Variants in RNF41 observed in about 807,000 individuals in gnomAD.
RNF41 encodes ring finger protein 41.
A neutral mutation model predicts 33.0 loss-of-function variants in RNF41; 4 were observed. That is an observed-to-expected ratio of 0.12 (90% CI 0.06 to 0.28). RNF41 has a LOEUF of 0.28. Ranked by LOEUF, RNF41 falls within the 10% of genes least tolerant of loss-of-function variation. The pLI, the probability that RNF41 is intolerant of heterozygous loss-of-function variation, is 1.00. For missense variants in RNF41, 228 were observed against 432.6 expected (o/e 0.53, Z 4.19); for synonymous variants, 164 against 153.2 (o/e 1.07, Z -0.52).
rs963390796 is a variant in RNF41 at position 56,202,586 on chromosome 12, C to G, written c.*3861G>C. The stretch of plus-strand genomic sequence containing the variant: ...GGGTTGTAACCTGTAGTTTGCTGAC[C>G]TCTGACCTATAACAAGTAACACTTC... On this transcript the variant is annotated 3_prime_UTR_variant, in exon 7 of 7. Coordinates refer to ENST00000345093, the MANE Select transcript of RNF41 (RefSeq NM_005785.4). 2 of 152,154 alleles carry G rather than the reference C, an allele frequency of 1.3e-5. No individual in the cohort carries two copies. The highest frequency in any genetic ancestry group is 2.9e-5 in the Non-Finnish European group (2 of 68,030). 9.4% of individuals were successfully genotyped at this position (152,154 alleles called of 1,614,324 possible). A position where few individuals can be genotyped will look rare whatever the true frequency, so the allele number is the denominator to read the frequency against.
In RNF41 at chr12:56,205,576, G is replaced by C. The variant is rs956914456; in HGVS notation, c.*871C>G. ...GCCATTCTTAAAAAAAAGAGGGGGG[G>C]GGGCAGTAGGTGGAGTTTGTGAAAT... On this transcript the variant is annotated 3_prime_UTR_variant, in exon 7 of 7. Transcript: ENST00000345093. 2 of 150,714 alleles carry C rather than the reference G, an allele frequency of 1.3e-5. No individual in the cohort carries two copies. Among genetic ancestry groups the C allele is most frequent in the South Asian group, 2.1e-4 (1 of 4,712 alleles). The allele number at this position is 150,714 out of a possible 1,614,324, so 9.3% of individuals were successfully genotyped here.
intron 3 of RNF41, among the ~76,000 whole-genome samples, 182 bp downstream of exon 3, chr12:56,213,776 A>C (rs1316518915): frequency 1.3e-5 from 2 of 152,214 alleles, no homozygotes; most frequent in Non-Finnish European, 2.9e-5. Context: ...ATCCACCTCT[A>C]GATTGATTCT....
At chr12:56,221,374 G>C (rs1225798958) in intron 1 of RNF41, among the ~76,000 whole-genome samples, 2 of 152,114 alleles carry the variant, frequency 1.3e-5, no homozygotes, top group Non-Finnish European at 2.9e-5. Flanking sequence ...GAGGGCGGGG[G>C]TTTAGGTTCC....
chr12:56,212,906 G>T, intron 3 of RNF41: 2 of 892,646 alleles, frequency 2.2e-6, no homozygotes, highest in Non-Finnish European at 3.2e-6. Flanking sequence ...AGGATTAATT[G>T]GTATTTACAG....
At chr12:56,218,980 G>A (rs563580614) in intron 1 of RNF41, among the ~76,000 whole-genome samples, 2 of 150,752 alleles carry the variant, frequency 1.3e-5, no homozygotes, top group East Asian at 3.9e-4. Flanking sequence ...GGGATTATAG[G>A]CGTGAGCCAC....
At chr12:56,207,826 G>C in intron 5 of RNF41, 77 bp from the exon 6 acceptor site, 1 of 1,138,350 alleles carries the variant, frequency 8.8e-7, no homozygotes, top group Non-Finnish European at 1.3e-6. Context: ...CCAAGAATGA[G>C]GGCAACTGAG....
intron 1 of RNF41, among the ~76,000 whole-genome samples, chr12:56,219,194 T>A (rs1214526668): frequency 1.3e-5 from 2 of 149,202 alleles, no homozygotes; most frequent in African/African-American, 2.4e-5. Context: ...TTTATTTATT[T>A]ATTTATTTTT....
intron 2 of RNF41, among the ~76,000 whole-genome samples, chr12:56,216,122 A>G (rs79714338): frequency 6.8e-6 from 1 of 146,384 alleles, no homozygotes; most frequent in Non-Finnish European, 1.5e-5. Context: ...ACTCTGTCTC[A>G]AAAAAAAAAA....
In RNF41 at chr12:56,202,459, C is replaced by G. The variant is rs1392278883; in HGVS notation, c.*3988G>C. On this transcript the variant is annotated 3_prime_UTR_variant, in exon 7 of 7. Transcript: ENST00000345093. ...CCAAGTATTTTAGGCTTTGTTCCAGCTACTTAACCCTGCTGTTGTAATGTG... is the reference window on the plus strand; with the variant it reads ...CCAAGTATTTTAGGCTTTGTTCCAGGTACTTAACCCTGCTGTTGTAATGTG... 6.6e-6 allele frequency: 1 copy of G among 152,182 alleles called. No homozygotes were observed. Among genetic ancestry groups the G allele is most frequent in the African/African-American group, 2.4e-5 (1 of 41,452 alleles). The allele number at this position is 152,182 out of a possible 1,614,324, so 9.4% of individuals were successfully genotyped here.
intron 1 of RNF41, among the ~76,000 whole-genome samples, chr12:56,219,155 G>C (rs1394144566): frequency 6.6e-6 from 1 of 150,982 alleles, no homozygotes; most frequent in Non-Finnish European, 1.5e-5. Context: ...ACAGGCATGT[G>C]TCACCATGCC....
chr12:56,207,854 A>C, intron 5 of RNF41, 105 bp from the exon 6 acceptor site: 1 of 931,680 alleles, frequency 1.1e-6, no homozygotes, highest in South Asian at 1.3e-5. Flanking sequence ...AAGAACAACC[A>C]GTTTGTAAGC....
At chr12:56,217,815 A>T (rs1353418503) in intron 1 of RNF41, among the ~76,000 whole-genome samples, 1 of 152,074 alleles carries the variant, frequency 6.6e-6, no homozygotes, top group Middle Eastern at 3.2e-3. Flanking sequence ...CCCACTCCCT[A>T]TGAGAATCTA....
chr12:56,219,157 C>A (rs1869139056), intron 1 of RNF41, among the ~76,000 whole-genome samples: 1 of 151,692 alleles, frequency 6.6e-6, no homozygotes, highest in Non-Finnish European at 1.5e-5. Context: ...AGGCATGTGT[C>A]ACCATGCCAG....
chr12:56,212,251 C>T (rs1374071440), intron 3 of RNF41, among the ~76,000 whole-genome samples: 1 of 152,158 alleles, frequency 6.6e-6, no homozygotes, highest in Non-Finnish European at 1.5e-5. Flanking sequence ...GAATTAGGTG[C>T]ACAGTAATAA....
In RNF41 at chr12:56,218,722, T is replaced by G. The variant is rs558633887; in HGVS notation, c.-208-2109A>C. On this transcript the variant is annotated intron_variant, in intron 1 of 6. Transcript: ENST00000345093. ...ATATATATATATGTTATTTTTTTTT[T>G]GAGACAAAGTGTTGCTCTGTCGCCA... 3.3e-5 allele frequency among the ~76,000 whole-genome samples: 5 copies of G among 149,560 alleles called. No individual in the cohort carries two copies. In the East Asian group the frequency reaches 7.8e-4, roughly 23 times the overall value.
At chr12:56,210,165 G>GCC (rs1466119653) in intron 4 of RNF41, 132 bp downstream of exon 4, 11 of 886,434 alleles carry the variant, frequency 1.2e-5, no homozygotes, top group Non-Finnish European at 1.2e-5. Flanking sequence ...AGAGCAGGAA[G>GCC]CCAAGGAGGC....
At chr12:56,221,142 C>T (rs1358839825) in intron 1 of RNF41, among the ~76,000 whole-genome samples, 1 of 152,178 alleles carries the variant, frequency 6.6e-6, no homozygotes. Flanking sequence ...CTAGCCCCCT[C>T]CTCCCCACTA....
rs548773538 is a variant in RNF41, at chr12:56,206,122, G to A, written c.*325C>T. Reference sequence around the variant, plus strand: ...TTCCTTCCTCTGTCCTGATCCTCCAGGGAAATTGAATCTCTTTGTGCTTTC... The same window carrying A: ...TTCCTTCCTCTGTCCTGATCCTCCAAGGAAATTGAATCTCTTTGTGCTTTC... On this transcript the variant is annotated 3_prime_UTR_variant, in exon 7 of 7. Coordinates refer to ENST00000345093, the MANE Select transcript of RNF41 (RefSeq NM_005785.4). The surrounding 1 kb of genome is among the most constrained non-coding windows in gnomAD (Gnocchi z 5.7). 2 of 284,412 alleles carry A rather than the reference G, an allele frequency of 7.0e-6. No individual in the cohort carries two copies. Among genetic ancestry groups the A allele is most frequent in the African/African-American group, 4.3e-5 (2 of 46,136 alleles). The allele number at this position is 284,412 out of a possible 1,614,324, so 17.6% of individuals were successfully genotyped here.
At chr12:56,217,078 T>A (rs1185152772) in intron 1 of RNF41, among the ~76,000 whole-genome samples, 2 of 149,960 alleles carry the variant, frequency 1.3e-5, no homozygotes, top group African/African-American at 4.9e-5. Flanking sequence ...AGCTGCAGCT[T>A]GCAGTGAGCC....
Sources: allele counts gnomAD v4.1 joint callset (sites outside exome capture counted in the v4.1 genomes callset), GRCh38; gene constraint gnomAD v4.1.1; non-coding constraint Gnocchi (gnomAD v3.1); transcripts MANE v1.5; gene names NCBI Gene and HGNC (gene_info 2026-07-23, HGNC 2026-07-21).